The following ANKS1B variants were observed in gnomAD, a reference collection of about 807,000 sequenced individuals.
ANKS1B encodes the protein ankyrin repeat and sterile alpha motif domain-containing protein 1B.
Under a neutral mutation model 148.3 loss-of-function variants are expected in ANKS1B, and 36 were observed. The ratio of observed to expected loss-of-function variants is 0.24; its 90% CI spans 0.19 to 0.32. ANKS1B has a LOEUF of 0.32. Among genes scored for constraint, ANKS1B ranks in the 10% least tolerant of loss-of-function variants. The pLI is 1.00. For missense variants in ANKS1B, 1,157 were observed against 1,542.6 expected (o/e 0.75, Z 4.19); for synonymous variants, 542 against 560.8 (o/e 0.97, Z 0.47).
intron 12 of ANKS1B, among the ~76,000 whole-genome samples, chr12:99,310,215 T>C (rs1209655345): frequency 6.6e-6 from 1 of 152,118 alleles, no homozygotes; most frequent in East Asian, 1.9e-4. Context: ...AATAGGAAAA[T>C]ATACCCTGTA....
At chr12:99,754,547 C>A (rs551178352) in intron 8 of ANKS1B, among the ~76,000 whole-genome samples, 1 of 152,252 alleles carries the variant, frequency 6.6e-6, no homozygotes, top group African/African-American at 2.4e-5. Context: ...AATATACATT[C>A]TTCTCATTGC....
At chr12:98,994,939 A>T (rs2099928629) in intron 17 of ANKS1B, among the ~76,000 whole-genome samples, 2 of 152,198 alleles carry the variant, frequency 1.3e-5, no homozygotes, top group Non-Finnish European at 1.5e-5. Context: ...GGAGGATAAA[A>T]TTCAACCATA....
intron 1 of ANKS1B, among the ~76,000 whole-genome samples, chr12:99,858,955 T>G (rs975712028): frequency 1.3e-5 from 2 of 151,996 alleles, no homozygotes; most frequent in Non-Finnish European, 2.9e-5. Flanking sequence ...CGCCAAAATC[T>G]CAGAAATCTC....
At chr12:99,472,385 A>G (rs1171296112) in intron 10 of ANKS1B, among the ~76,000 whole-genome samples, 1 of 152,128 alleles carries the variant, frequency 6.6e-6, no homozygotes, top group Non-Finnish European at 1.5e-5. Flanking sequence ...ACAGAGCGTG[A>G]GCTCCTTGAA....
intron 16 of ANKS1B, among the ~76,000 whole-genome samples, chr12:99,082,700 A>G (rs2050230677): frequency 6.6e-6 from 1 of 152,090 alleles, no homozygotes; most frequent in African/African-American, 2.4e-5. Context: ...ATCTAGATAG[A>G]GGTGGTTGGT....
intron 17 of ANKS1B, among the ~76,000 whole-genome samples, chr12:99,006,400 TATTA>T (rs1481678984): frequency 2.6e-5 from 4 of 152,198 alleles, no homozygotes; most frequent in Non-Finnish European, 5.9e-5. Context: ...ACCCTGAGTA[TATTA>T]ATTAAGATCT....
At chr12:99,130,137 G>A (rs1216939089) in intron 15 of ANKS1B, among the ~76,000 whole-genome samples, 1 of 152,148 alleles carries the variant, frequency 6.6e-6, no homozygotes, top group Non-Finnish European at 1.5e-5. Flanking sequence ...ATGGTACAAT[G>A]TGTTTAAATG....
intron 12 of ANKS1B, among the ~76,000 whole-genome samples, chr12:99,334,286 T>G (rs1055927663): frequency 2.0e-5 from 3 of 152,078 alleles, no homozygotes; most frequent in Non-Finnish European, 4.4e-5. Context: ...ATGGCTTCAT[T>G]CTTTCTAATT....
intron 19 of ANKS1B, among the ~76,000 whole-genome samples, chr12:98,815,826 T>C (rs77755520): frequency 0.024 from 3,599 of 152,330 alleles, 83 homozygotes; most frequent in East Asian, 0.088. Context: ...TCGTTTGATT[T>C]ATTCCATTGG....
At chr12:99,131,226 T>C (rs147581374) in intron 15 of ANKS1B, among the ~76,000 whole-genome samples, 5 of 152,312 alleles carry the variant, frequency 3.3e-5, no homozygotes, top group Non-Finnish European at 4.4e-5. Flanking sequence ...CAACAAACAC[T>C]TGGTTTAAGC....
intron 12 of ANKS1B, among the ~76,000 whole-genome samples, chr12:99,276,594 T>G (rs2077707099): frequency 6.6e-6 from 1 of 152,188 alleles, no homozygotes; most frequent in Non-Finnish European, 1.5e-5. Flanking sequence ...AACCTTGATT[T>G]TGGACTTCCA....
At chr12:99,107,146 T>C (rs1600154058) in intron 15 of ANKS1B, among the ~76,000 whole-genome samples, 1 of 151,944 alleles carries the variant, frequency 6.6e-6, no homozygotes, top group African/African-American at 2.4e-5. Context: ...TACATGCATC[T>C]TTAATATTAA....
chr12:99,629,231 G>A (rs1490933729), intron 9 of ANKS1B, among the ~76,000 whole-genome samples: 1 of 152,128 alleles, frequency 6.6e-6, no homozygotes, highest in Non-Finnish European at 1.5e-5. Context: ...TTTATTAAGA[G>A]CTTATAAGGG....
intron 11 of ANKS1B, among the ~76,000 whole-genome samples, chr12:99,419,461 C>T (rs1165384680): frequency 6.6e-6 from 1 of 151,934 alleles, no homozygotes; most frequent in African/African-American, 2.4e-5. Flanking sequence ...CTATTTTATT[C>T]CTGATATAGG....
At chr12:99,077,274 C>T (rs1475012155) in intron 16 of ANKS1B, among the ~76,000 whole-genome samples, 1 of 152,100 alleles carries the variant, frequency 6.6e-6, no homozygotes, top group Non-Finnish European at 1.5e-5. Flanking sequence ...TCTCTTTGAC[C>T]GTGTATCTTT....
intron 1 of ANKS1B, among the ~76,000 whole-genome samples, chr12:99,909,860 G>T (rs7136087): frequency 0.61 from 91,987 of 151,390 alleles, 29,022 homozygotes; most frequent in Middle Eastern, 0.7. Flanking sequence ...TCACATTTGG[G>T]TAATGTTAGG....
chr12:99,649,567 GA>G, intron 9 of ANKS1B: 1 of 580,434 alleles, frequency 1.7e-6, no homozygotes, highest in South Asian at 2.1e-5. Context: ...AGACTCAGGA[GA>G]GAAACACAGC....
At chr12:98,759,472 C>A (rs1413370019) in intron 25 of ANKS1B, among the ~76,000 whole-genome samples, 1 of 152,016 alleles carries the variant, frequency 6.6e-6, no homozygotes, top group Non-Finnish European at 1.5e-5. Flanking sequence ...TCCTTGTCCC[C>A]GAGGCTATAC....
chr12:99,716,401 C>G (rs898222338), intron 8 of ANKS1B, among the ~76,000 whole-genome samples: 6 of 152,012 alleles, frequency 3.9e-5, no homozygotes, highest in African/African-American at 7.2e-5. Context: ...CCTACTCTCT[C>G]TTTTCTCTGG....
Sources: gnomAD v4.1 joint callset for allele counts (sites outside exome capture counted in the v4.1 genomes callset) on GRCh38, gnomAD v4.1.1 for gene constraint, MANE v1.5 for transcripts, NCBI Gene and HGNC (gene_info 2026-07-23, HGNC 2026-07-21) for gene names.